EYS: variants seen among roughly 807,000 people sequenced by gnomAD.
EYS encodes EGF-like photoreceptor maintenance factor, also known as protein eyes shut homolog.
A neutral mutation model predicts 282.1 loss-of-function variants in EYS; 250 were observed. That is an observed-to-expected ratio of 0.89 (90% CI 0.80 to 0.98). The LOEUF is 0.98. Among genes scored for constraint, EYS ranks in the 50% least tolerant of loss-of-function variants. EYS has a pLI of 0.00. For missense variants in EYS, 4,016 were observed against 3,709.0 expected (o/e 1.08, Z -2.15); for synonymous variants, 1,355 against 1,282.9 (o/e 1.06, Z -1.20).
At chr6:65,095,243 T>C (rs1425096845) in intron 12 of EYS, among the ~76,000 whole-genome samples, 1 of 151,182 alleles carries the variant, frequency 6.6e-6, no homozygotes, top group Admixed American at 6.6e-5. Context: ...AAAAGGGTGG[T>C]ACCAGAGGCC....
intron 30 of EYS, among the ~76,000 whole-genome samples, chr6:64,268,453 G>A (rs150220447): frequency 5.3e-5 from 8 of 151,894 alleles, no homozygotes; most frequent in Admixed American, 4.6e-4. Context: ...TTACATATAT[G>A]ATTTACATAA....
At chr6:65,533,112 GCC>G (rs1767840444) in intron 2 of EYS, among the ~76,000 whole-genome samples, 1 of 151,828 alleles carries the variant, frequency 6.6e-6, no homozygotes, top group Non-Finnish European at 1.5e-5. Flanking sequence ...GTAATTTATT[GCC>G]ATATTAAATA....
chr6:63,852,153 T>A (rs1772272420), intron 36 of EYS, among the ~76,000 whole-genome samples: 1 of 37,362 alleles, frequency 2.7e-5, no homozygotes, highest in African/African-American at 1.2e-4. Context: ...CGAGACTCTG[T>A]CTCAAAAAAA....
chr6:64,073,647 AATGT>A (rs1771667705), intron 32 of EYS, among the ~76,000 whole-genome samples: 1 of 151,796 alleles, frequency 6.6e-6, no homozygotes, highest in Non-Finnish European at 1.5e-5. Flanking sequence ...TTCTTAGATA[AATGT>A]ATGTATTTTT....
chr6:65,129,638 C>T (rs530758400), intron 12 of EYS, among the ~76,000 whole-genome samples: 19 of 151,976 alleles, frequency 1.3e-4, no homozygotes, highest in Admixed American at 5.3e-4. Context: ...GTCGGAATAG[C>T]TATAATCAGA....
At chr6:64,528,249 C>T (rs558561866) in intron 26 of EYS, among the ~76,000 whole-genome samples, 11 of 151,782 alleles carry the variant, frequency 7.2e-5, no homozygotes, top group Non-Finnish European at 1.5e-4. Flanking sequence ...TTTATTCCTC[C>T]CAGAATCTCC....
chr6:63,905,695 T>C (rs191512708), intron 35 of EYS, among the ~76,000 whole-genome samples: 412 of 152,338 alleles, frequency 2.7e-3, no homozygotes, highest in Middle Eastern at 0.01. Flanking sequence ...GCACATTTTA[T>C]GGTACTGTAT....
intron 12 of EYS, among the ~76,000 whole-genome samples, chr6:65,280,883 TAA>T (rs1350490060): frequency 1.4e-5 from 2 of 146,372 alleles, no homozygotes; most frequent in Non-Finnish European, 3.0e-5. Flanking sequence ...TATATATATA[TAA>T]ATCAGCTGAG....
intron 31 of EYS, among the ~76,000 whole-genome samples, chr6:64,137,323 ACTTG>A (rs1774194677): frequency 6.6e-6 from 1 of 152,154 alleles, no homozygotes; most frequent in Admixed American, 6.5e-5. Context: ...AGCCTATTTC[ACTTG>A]CTTATCATTG....
intron 26 of EYS, among the ~76,000 whole-genome samples, chr6:64,493,869 G>C (rs1195841998): frequency 2.0e-5 from 3 of 151,470 alleles, no homozygotes; most frequent in South Asian, 4.1e-4. Context: ...TGGGATGAAA[G>C]TAGATTTTTC....
At chr6:65,549,597 C>G (rs1271053887) in intron 2 of EYS, among the ~76,000 whole-genome samples, 1 of 152,082 alleles carries the variant, frequency 6.6e-6, no homozygotes, top group African/African-American at 2.4e-5. Context: ...CCACAGGGTA[C>G]CACACAGAGA....
chr6:64,390,432 C>T (rs182917692), intron 28 of EYS, among the ~76,000 whole-genome samples: 3,809 of 152,088 alleles, frequency 0.025, 60 homozygotes, highest in Non-Finnish European at 0.036. Flanking sequence ...GATCTCAGAA[C>T]GGGCAGACTG....
At chr6:63,723,836 T>C (rs1768508790) in intron 42 of EYS, among the ~76,000 whole-genome samples, 1 of 138,704 alleles carries the variant, frequency 7.2e-6, no homozygotes, top group East Asian at 2.1e-4. Context: ...TTATTATTAT[T>C]TTGAGACCAG....
At chr6:63,738,288 G>T (rs917924587) in intron 41 of EYS, among the ~76,000 whole-genome samples, 1 of 152,018 alleles carries the variant, frequency 6.6e-6, no homozygotes, top group Non-Finnish European at 1.5e-5. Context: ...ACATGCACAC[G>T]TATGTTTATT....
At chr6:64,288,028 T>C (rs1274353583) in intron 30 of EYS, among the ~76,000 whole-genome samples, 1 of 152,144 alleles carries the variant, frequency 6.6e-6, no homozygotes, top group African/African-American at 2.4e-5. Context: ...AGAACATTAC[T>C]GTCACTGATA....
At chr6:64,166,055 G>A (rs1330087832) in intron 31 of EYS, among the ~76,000 whole-genome samples, 1 of 152,126 alleles carries the variant, frequency 6.6e-6, no homozygotes, top group Admixed American at 6.5e-5. Flanking sequence ...AGCTAATGCT[G>A]AATATTTCAT....
intron 22 of EYS, among the ~76,000 whole-genome samples, chr6:64,788,076 GTTTGT>G (rs1372624074): frequency 1.2e-4 from 18 of 151,950 alleles, no homozygotes; most frequent in Non-Finnish European, 2.2e-4. Context: ...GGGGTTGTTT[GTTTGT>G]TTTAAGTGTT....
At chr6:64,290,010 C>G (rs2150365195) in intron 30 of EYS, among the ~76,000 whole-genome samples, 1 of 152,172 alleles carries the variant, frequency 6.6e-6, no homozygotes, top group South Asian at 2.1e-4. Flanking sequence ...AAGGCACTAT[C>G]TACTGTACCA....
chr6:65,032,276 C>T (rs1156948741), intron 13 of EYS, among the ~76,000 whole-genome samples: 1 of 152,086 alleles, frequency 6.6e-6, no homozygotes, highest in African/African-American at 2.4e-5. Flanking sequence ...AAGCCCATGA[C>T]CAGATGTATT....
Sources: allele counts gnomAD v4.1 joint callset (sites outside exome capture counted in the v4.1 genomes callset), GRCh38; gene constraint gnomAD v4.1.1; transcripts MANE v1.5; gene names NCBI Gene and HGNC (gene_info 2026-07-23, HGNC 2026-07-21).